UNC5D: variants seen among roughly 807,000 people sequenced by gnomAD.
UNC5D encodes the protein unc-5 netrin receptor D, also known as netrin receptor UNC5D.
A neutral mutation model predicts 105.4 loss-of-function variants in UNC5D; 39 were observed. The observed-to-expected ratio is 0.37, with a 90% CI of 0.29 to 0.48. The LOEUF (loss-of-function observed/expected upper bound fraction) is 0.48, where lower values mean the gene tolerates loss of function less well. Ranked by LOEUF, UNC5D falls within the 20% of genes least tolerant of loss-of-function variation. The pLI, the probability that UNC5D is intolerant of heterozygous loss-of-function variation, is 0.98. For synonymous variants in UNC5D, 452 were observed against 450.4 expected (o/e 1.00, Z -0.04); for missense variants, 991 against 1,202.4 (o/e 0.82, Z 2.60).
At chr8:35,464,262 G>T (rs937046121) in intron 1 of UNC5D, among the ~76,000 whole-genome samples, 6 of 152,044 alleles carry the variant, frequency 3.9e-5, no homozygotes, top group Admixed American at 3.3e-4. Flanking sequence ...GGGAGGCGGA[G>T]GTTGCTGTGA....
chr8:35,584,242 G>A (rs1818640176), intron 3 of UNC5D, among the ~76,000 whole-genome samples: 1 of 152,150 alleles, frequency 6.6e-6, no homozygotes, highest in Non-Finnish European at 1.5e-5. Flanking sequence ...GCACCCATGA[G>A]TGAATACAAT....
chr8:35,591,016 T>A (rs1443621879), intron 3 of UNC5D, among the ~76,000 whole-genome samples: 1 of 152,240 alleles, frequency 6.6e-6, no homozygotes, highest in Non-Finnish European at 1.5e-5. Flanking sequence ...AGTTTAAAAC[T>A]TTTAAGTGTT....
intron 8 of UNC5D, among the ~76,000 whole-genome samples, chr8:35,712,591 G>C (rs140703175): frequency 1.3e-5 from 2 of 152,278 alleles, no homozygotes; most frequent in East Asian, 3.9e-4. Flanking sequence ...TCTCACTGAA[G>C]AAAATTCCAT....
intron 13 of UNC5D, among the ~76,000 whole-genome samples, chr8:35,753,263 G>A (rs1182989903): frequency 6.7e-6 from 1 of 150,270 alleles, no homozygotes; most frequent in Non-Finnish European, 1.5e-5. Flanking sequence ...ATCATTGAGA[G>A]ATATTTCTTT....
chr8:35,511,349 T>C (rs2921216), intron 1 of UNC5D, among the ~76,000 whole-genome samples: 6 of 152,062 alleles, frequency 3.9e-5, no homozygotes, highest in Non-Finnish European at 7.4e-5. Context: ...GTCTTAATTT[T>C]TATAGCTGGT....
intron 1 of UNC5D, among the ~76,000 whole-genome samples, chr8:35,413,108 A>G (rs1439330071): frequency 6.6e-6 from 1 of 152,134 alleles, no homozygotes; most frequent in African/African-American, 2.4e-5. Flanking sequence ...AAAGTTTGCC[A>G]GTAACTGGTT....
At chr8:35,529,486 G>T (rs1234587936) in intron 1 of UNC5D, among the ~76,000 whole-genome samples, 14 of 145,864 alleles carry the variant, frequency 9.6e-5, no homozygotes, top group African/African-American at 2.9e-4. Flanking sequence ...GTAGTGTGAT[G>T]CCTCCAGCTT....
intron 14 of UNC5D, among the ~76,000 whole-genome samples, chr8:35,761,512 C>T (rs974646542): frequency 6.6e-6 from 1 of 152,156 alleles, no homozygotes; most frequent in African/African-American, 2.4e-5. Context: ...GAAAACCCAG[C>T]AAGCTTTACT....
At chr8:35,689,150 G>A (rs1017977387) in intron 7 of UNC5D, among the ~76,000 whole-genome samples, 7 of 152,162 alleles carry the variant, frequency 4.6e-5, no homozygotes, top group Admixed American at 2.0e-4. Context: ...TGCACTTGGG[G>A]AAAATCAATG....
chr8:35,299,000 T>C (rs1440839132), intron 1 of UNC5D, among the ~76,000 whole-genome samples: 1 of 152,170 alleles, frequency 6.6e-6, no homozygotes, highest in Non-Finnish European at 1.5e-5. Context: ...AAAGACAATG[T>C]CTCCACTGTC....
intron 1 of UNC5D, among the ~76,000 whole-genome samples, chr8:35,539,821 G>A (rs115953010): frequency 0.012 from 1,892 of 152,270 alleles, 53 homozygotes; most frequent in African/African-American, 0.044. Flanking sequence ...TTCTTTCAAA[G>A]AGAATTTAAT....
chr8:35,321,325 A>T (rs1031164400), intron 1 of UNC5D, among the ~76,000 whole-genome samples: 1 of 152,086 alleles, frequency 6.6e-6, no homozygotes, highest in African/African-American at 2.4e-5. Flanking sequence ...TAATCCCCAT[A>T]ATACCCATGT....
At chr8:35,491,341 G>A (rs1811204282) in intron 1 of UNC5D, among the ~76,000 whole-genome samples, 1 of 151,982 alleles carries the variant, frequency 6.6e-6, no homozygotes, top group South Asian at 2.1e-4. Context: ...GGAGATATTG[G>A]CAATTAATGT....
rs533895363 is a variant in UNC5D, at chr8:35,419,428, G to A, written c.104-129864G>A. Among the ~76,000 whole-genome samples the A allele has an allele frequency of 1.1e-4, 17 of 152,296 alleles. No homozygotes were observed. The South Asian group carries it at 3.5e-3, about 32-fold the overall frequency. On this transcript the variant is annotated intron_variant, in intron 1 of 16. Transcript: ENST00000404895. ...TGTGCTCAGTCCATGGCTGGTCCCA[G>A]CATGCTGTGACTGTCTTCCACCCTG...
rs1815916594 is a variant in UNC5D at position 35,549,146 on chromosome 8, C to G, written c.104-146C>G. ...GTTCAGCTTCTAGAAGATAATTCAT[C>G]TACACCAGTTCTACAAGCATGCTTT... On this transcript the variant is annotated intron_variant, in intron 1 of 16. Transcript: ENST00000404895. 9 of 754,820 alleles carry G rather than the reference C, an allele frequency of 1.2e-5. No homozygotes were observed. The South Asian group carries it at 1.7e-4, about 14-fold the overall frequency. The allele number at this position is 754,820 out of a possible 1,614,324, so 46.8% of individuals were successfully genotyped here.
chr8:35,662,186 CAA>C (rs10692805), intron 4 of UNC5D, among the ~76,000 whole-genome samples: 43 of 108,630 alleles, frequency 4.0e-4, no homozygotes, highest in African/African-American at 9.2e-4. Context: ...CAAAAGCTTT[CAA>C]AAAAAAAAAA....
chr8:35,544,423 G>A lies in UNC5D; in HGVS notation c.104-4869G>A, dbSNP rs76638047. On this transcript the variant is annotated intron_variant, in intron 1 of 16. Coordinates refer to ENST00000404895, the MANE Select transcript of UNC5D (RefSeq NM_080872.4). ...AAGTAGGGATTGTTTAAAAAAAAAA[G>A]CTGTAATATGTTATCTGGGGGTGGA... The A allele has an allele frequency of 3.1e-6, 5 of 1,609,044 alleles. No individual in the cohort carries two copies. The African/African-American group carries it at 4.0e-5, about 13-fold the overall frequency.
intron 11 of UNC5D, among the ~76,000 whole-genome samples, chr8:35,743,240 C>T (rs571513403): frequency 5.3e-5 from 8 of 152,076 alleles, no homozygotes; most frequent in African/African-American, 1.7e-4. Context: ...CTCCCTGGGC[C>T]TTCTATTTTC....
rs1008987983 is a variant in UNC5D at position 35,508,468 on chromosome 8, G to T, written c.104-40824G>T. Among the ~76,000 whole-genome samples, 2 of 152,210 alleles carry T rather than the reference G, an allele frequency of 1.3e-5. 1 individual carries two copies. The highest frequency in any genetic ancestry group is 4.8e-5 in the African/African-American group (2 of 41,446). Reference sequence around the variant, plus strand: ...TATTTCTCTTCAGAGACTAGTGAGAGACAAAGGCAGGGATCACTTGCATCA... The same window carrying T: ...TATTTCTCTTCAGAGACTAGTGAGATACAAAGGCAGGGATCACTTGCATCA... On this transcript the variant is annotated intron_variant, in intron 1 of 16. Transcript: ENST00000404895.
Sources: allele counts gnomAD v4.1 joint callset (sites outside exome capture counted in the v4.1 genomes callset), GRCh38; gene constraint gnomAD v4.1.1; transcripts MANE v1.5; gene names NCBI Gene and HGNC (gene_info 2026-07-23, HGNC 2026-07-21).